NR3C2: variants seen among roughly 807,000 people sequenced by gnomAD.
NR3C2 encodes the protein nuclear receptor subfamily 3 group C member 2.
NR3C2 carries 15 observed loss-of-function variants against 86.4 expected under a neutral mutation model. The observed-to-expected ratio is 0.17, with a 90% CI of 0.12 to 0.27. The LOEUF (loss-of-function observed/expected upper bound fraction) is 0.27. Ranked by LOEUF, NR3C2 falls within the 10% of genes least tolerant of loss-of-function variation. The pLI is 1.00. For synonymous variants in NR3C2, 458 were observed against 450.5 expected, an observed-to-expected ratio of 1.02 and a Z score of -0.21; for missense variants, 960 against 1,195.6, an observed-to-expected ratio of 0.80 and a Z score of 2.91.
chr4:148,268,414 A>G (rs1740507665), intron 2 of NR3C2, among the ~76,000 whole-genome samples: 1 of 152,246 alleles, frequency 6.6e-6, no homozygotes, highest in Admixed American at 6.5e-5. Flanking sequence ...CTCTCAAGCC[A>G]TGATTCACAA....
rs74674872 is a variant in NR3C2, at chr4:148,317,805, A to AT, written c.1758-57689dup. Among the ~76,000 whole-genome samples, 1,063 of 149,150 alleles carry AT rather than the reference A, an allele frequency of 7.1e-3. 12 individuals carry two copies. The highest frequency in any genetic ancestry group is 0.023 in the African/African-American group (955 of 40,862). The stretch of plus-strand genomic sequence containing the variant: ...AAAAGAATGAAATTAAGTCTATCTC[A>AT]TTTTTTTTTTTAGTGATTATATAAA... On this transcript the variant is annotated intron_variant, in intron 2 of 8. Transcript: ENST00000358102.
At chr4:148,407,140 A>G (rs914251838) in intron 2 of NR3C2, among the ~76,000 whole-genome samples, 2 of 152,212 alleles carry the variant, frequency 1.3e-5, no homozygotes, top group Non-Finnish European at 2.9e-5. Context: ...TATAGAAATT[A>G]ATAACTTTTC....
At chr4:148,440,041 G>C (rs1218503937) in intron 1 of NR3C2, among the ~76,000 whole-genome samples, 1 of 152,164 alleles carries the variant, frequency 6.6e-6, no homozygotes, top group East Asian at 1.9e-4. Flanking sequence ...TTTGCAAAAG[G>C]CTTTGCTGAA....
intron 3 of NR3C2, among the ~76,000 whole-genome samples, chr4:148,196,171 G>A (rs1350761716): frequency 6.6e-6 from 1 of 152,182 alleles, no homozygotes; most frequent in Non-Finnish European, 1.5e-5. Flanking sequence ...AGGGTTTGCT[G>A]ACAGATCAGA....
chr4:148,218,277 G>C (rs1737648942), intron 3 of NR3C2, among the ~76,000 whole-genome samples: 1 of 152,234 alleles, frequency 6.6e-6, no homozygotes, highest in East Asian at 1.9e-4. Flanking sequence ...GCAATATCAG[G>C]AAAAAGTTGA....
chr4:148,317,222 G>A (rs1000701914), intron 2 of NR3C2, among the ~76,000 whole-genome samples: 11 of 151,962 alleles, frequency 7.2e-5, no homozygotes, highest in Admixed American at 6.6e-5. Flanking sequence ...AAAAGACATG[G>A]CACATGCCTG....
At chr4:148,103,178 T>C (rs1731618963) in intron 8 of NR3C2, among the ~76,000 whole-genome samples, 1 of 152,232 alleles carries the variant, frequency 6.6e-6, no homozygotes, top group South Asian at 2.1e-4. Flanking sequence ...CCTCATGCCA[T>C]GGCCCCTTCT....
chr4:148,339,961 A>G (rs1459611044), intron 2 of NR3C2, among the ~76,000 whole-genome samples: 1 of 152,198 alleles, frequency 6.6e-6, no homozygotes, highest in Non-Finnish European at 1.5e-5. Context: ...GTGGCTCAAA[A>G]AAAATTAAAT....
Position 148,435,759 on chromosome 4 carries a change from C to G in NR3C2, c.1102G>C (p.Gly368Arg). The G allele has an allele frequency of 6.2e-7, 1 of 1,614,162 alleles. No individual in the cohort carries two copies. The change falls in exon 2 of 9, where the codon GGT (glycine) becomes CGT (arginine). Residue 368 changes from glycine to arginine, a missense_variant. Gly to Arg is a moderately radical substitution (Grantham distance 125). Around this residue, in one of 4 missense-constraint regions of NR3C2, gnomAD observed 680 missense variants for 719.0 expected, o/e 0.95. Transcript: ENST00000358102. ...VVPSPDTQEK[G>R]AQEVPFPKTE... is the part of the protein sequence containing the mutation. ...TTAGGAAAAGGGACCTCTTGAGCAC[C>G]TTTCTCCTGCGTGTCTGGACTGGGA...
chr4:148,234,920 T>C (rs1458318149), intron 3 of NR3C2, among the ~76,000 whole-genome samples: 1 of 152,156 alleles, frequency 6.6e-6, no homozygotes, highest in Non-Finnish European at 1.5e-5. Context: ...GGGTGATGCG[T>C]TTAAAACTTA....
At chr4:148,224,929 A>G (rs1738065497) in intron 3 of NR3C2, among the ~76,000 whole-genome samples, 1 of 152,186 alleles carries the variant, frequency 6.6e-6, no homozygotes, top group African/African-American at 2.4e-5. Context: ...TCAAAATCTT[A>G]TTTCCATTTT....
At chr4:148,194,358 T>C (rs971784842) in intron 4 of NR3C2, among the ~76,000 whole-genome samples, 4 of 152,356 alleles carry the variant, frequency 2.6e-5, no homozygotes, top group Admixed American at 2.0e-4. Flanking sequence ...CACATACTTC[T>C]AAAGTTAGGT....
intron 2 of NR3C2, among the ~76,000 whole-genome samples, chr4:148,375,976 A>T (rs561734276): frequency 6.6e-6 from 1 of 152,344 alleles, no homozygotes; most frequent in South Asian, 2.1e-4. Flanking sequence ...ATCAATTTTT[A>T]AAGTAGAATG....
intron 2 of NR3C2, among the ~76,000 whole-genome samples, chr4:148,398,125 G>C (rs1747954557): frequency 6.6e-6 from 1 of 152,050 alleles, no homozygotes; most frequent in Non-Finnish European, 1.5e-5. Context: ...ATTGGATTTA[G>C]AGCCCATTCT....
intron 2 of NR3C2, among the ~76,000 whole-genome samples, chr4:148,380,433 A>C (rs866148873): frequency 7.9e-5 from 12 of 152,212 alleles, no homozygotes; most frequent in Non-Finnish European, 1.3e-4. Flanking sequence ...ATTCGTGTGC[A>C]AGTTCTTGTG....
chr4:148,212,731 C>T (rs183274383), intron 3 of NR3C2, among the ~76,000 whole-genome samples: 19 of 152,250 alleles, frequency 1.2e-4, no homozygotes, highest in South Asian at 1.2e-3. Context: ...TGGTCTGCAA[C>T]GGGCAGAAAA....
intron 3 of NR3C2, among the ~76,000 whole-genome samples, chr4:148,245,196 C>G (rs59761460): frequency 6.6e-6 from 1 of 152,124 alleles, no homozygotes; most frequent in Non-Finnish European, 1.5e-5. Flanking sequence ...GCACTGTGAA[C>G]AGCGATCATT....
chr4:148,289,187 G>A (rs1195604953), intron 2 of NR3C2, among the ~76,000 whole-genome samples: 1 of 148,168 alleles, frequency 6.7e-6, no homozygotes, highest in Non-Finnish European at 1.5e-5. Flanking sequence ...TATGTGGTAA[G>A]ACATGCTTTT....
chr4:148,261,719 C>G (rs72655241), intron 2 of NR3C2, among the ~76,000 whole-genome samples: 37 of 152,174 alleles, frequency 2.4e-4, no homozygotes, highest in Admixed American at 5.2e-4. Context: ...TGCCTCCAAG[C>G]CAAACAGCAG....
Sources: gnomAD v4.1 joint callset for allele counts (sites outside exome capture counted in the v4.1 genomes callset) on GRCh38, gnomAD v4.1.1 for gene constraint, gnomAD v4.1.1 regional missense constraint, MANE v1.5 for transcripts, NCBI Gene and HGNC (gene_info 2026-07-23, HGNC 2026-07-21) for gene names.